Variants in STAG1 observed in about 807,000 individuals in gnomAD.
STAG1 encodes the protein STAG1 cohesin complex component, also known as cohesin subunit SA-1.
In STAG1, 26 loss-of-function variants were observed where a neutral mutation model predicts 170.9. The observed-to-expected ratio is 0.15, with a 90% confidence interval of 0.11 to 0.21. STAG1 has a LOEUF of 0.21. STAG1 is among the 10% of genes least tolerant of loss of function. The pLI is 1.00. For synonymous variants in STAG1, 514 were observed against 497.7 expected, an observed-to-expected ratio of 1.03 and a Z score of -0.44; for missense variants, 964 against 1,509.5, an observed-to-expected ratio of 0.64 and a Z score of 5.99.
rs749325884 is a variant in STAG1, at chr3:136,579,958, A to ATTTTTTTTTTTT, written c.298-11109_298-11098dup. On this transcript the variant is annotated intron_variant, in intron 4 of 33. Coordinates refer to ENST00000383202, the MANE Select transcript of STAG1 (RefSeq NM_005862.3). ...CTATTTTGGTCACAATACCATCTGA[A>ATTTTTTTTTTTT]TTTTTTTTTTTTTTTTTTTTTTTTT... is the stretch of plus-strand genomic sequence containing the variant. 8.0e-3 allele frequency among the ~76,000 whole-genome samples: 587 copies of ATTTTTTTTTTTT among 73,642 alleles called. 105 individuals are homozygous for ATTTTTTTTTTTT. The highest frequency in any genetic ancestry group is 9.3e-3 in the Non-Finnish European group (381 of 41,052). 48.3% of individuals were successfully genotyped at this position (73,642 alleles called of 152,430 possible). A position where few individuals can be genotyped will look rare whatever the true frequency, so the allele number is the denominator to read the frequency against.
In STAG1 at chr3:136,468,221, C is replaced by G. The variant is rs1327976869; in HGVS notation, c.1206-3233G>C. On this transcript the variant is annotated intron_variant, in intron 12 of 33. Coordinates refer to ENST00000383202, the MANE Select transcript of STAG1 (RefSeq NM_005862.3). ...CAAAAAATCAATGAATCTAGGAGCT[C>G]GTTTTTTGAAAAGATCAACAAAACT... is the stretch of plus-strand genomic sequence containing the variant. Among the ~76,000 whole-genome samples, 4 of 151,646 alleles carry G rather than the reference C, an allele frequency of 2.6e-5. No individual in the cohort carries two copies. In the East Asian group the frequency reaches 5.8e-4, roughly 22 times the overall value.
Position 136,479,488 on chromosome 3 carries a change from T to C in STAG1, c.903-2076A>G, listed in dbSNP as rs1485044012. Among the ~76,000 whole-genome samples, 324 of 75,386 alleles carry C rather than the reference T, an allele frequency of 4.3e-3. 21 individuals carry two copies. The highest frequency in any genetic ancestry group is 0.013 in the African/African-American group (312 of 23,216). The allele number at this position is 75,386 out of a possible 152,430, so 49.5% of individuals were successfully genotyped here. ...AATCCAGTCTATCATTGTTGGACAT[T>C]TGGGTTGGTTCCAAGTCTTTGCTAT... is the stretch of plus-strand genomic sequence containing the variant. On this transcript the variant is annotated intron_variant, in intron 9 of 33. Transcript: ENST00000383202.
intron 1 of STAG1, among the ~76,000 whole-genome samples, chr3:136,671,541 A>C (rs1279650255): frequency 6.6e-6 from 1 of 150,496 alleles, no homozygotes; most frequent in Non-Finnish European, 1.5e-5. Context: ...TAAACTGAAA[A>C]GAAAAGGTTC....
intron 1 of STAG1, among the ~76,000 whole-genome samples, chr3:136,657,866 T>C (rs1158906163): frequency 6.6e-6 from 1 of 152,134 alleles, no homozygotes; most frequent in Non-Finnish European, 1.5e-5. Flanking sequence ...TGAAATGCAC[T>C]AGAATGCAAT....
chr3:136,371,522 T>A (rs1176478186), intron 23 of STAG1, among the ~76,000 whole-genome samples: 1 of 152,250 alleles, frequency 6.6e-6, no homozygotes, highest in Non-Finnish European at 1.5e-5. Flanking sequence ...CATCTTGAAT[T>A]AATATTTGTA....
intron 29 of STAG1, among the ~76,000 whole-genome samples, chr3:136,344,841 T>A (rs1357597373): frequency 6.6e-6 from 1 of 151,982 alleles, no homozygotes; most frequent in African/African-American, 2.4e-5. Flanking sequence ...CTCGAACTCC[T>A]GACCTCAGGT....
chr3:136,435,893 C>A (rs2088446488), intron 15 of STAG1, among the ~76,000 whole-genome samples: 1 of 152,050 alleles, frequency 6.6e-6, no homozygotes, highest in East Asian at 1.9e-4. Flanking sequence ...TGGTCTTGAA[C>A]CCCTGACCTC....
intron 4 of STAG1, among the ~76,000 whole-genome samples, chr3:136,593,051 C>T (rs1018227786): frequency 3.3e-5 from 5 of 152,180 alleles, no homozygotes; most frequent in African/African-American, 1.2e-4. Context: ...CCCACCAACA[C>T]AATGATATCT....
chr3:136,541,585 C>CACACACACACACA (rs59103512), intron 6 of STAG1, among the ~76,000 whole-genome samples: 3 of 148,670 alleles, frequency 2.0e-5, no homozygotes, highest in Non-Finnish European at 4.5e-5. Context: ...CACACACACA[C>CACACACACACACA]CAGGGGTTTG....
At chr3:136,557,471 T>C (rs1302724433) in intron 5 of STAG1, among the ~76,000 whole-genome samples, 3 of 152,158 alleles carry the variant, frequency 2.0e-5, no homozygotes, top group Non-Finnish European at 4.4e-5. Context: ...TCACATAAAC[T>C]AGAAAGCTTT....
chr3:136,592,206 C>T (rs940879275), intron 4 of STAG1, among the ~76,000 whole-genome samples: 1 of 152,158 alleles, frequency 6.6e-6, no homozygotes, highest in Non-Finnish European at 1.5e-5. Context: ...TATGTCTCTA[C>T]CCAAATCTCA....
intron 22 of STAG1, among the ~76,000 whole-genome samples, chr3:136,390,297 G>T (rs1443307418): frequency 6.6e-6 from 1 of 152,168 alleles, no homozygotes; most frequent in East Asian, 1.9e-4. Context: ...GGTTTTCAGA[G>T]AATTTTAAAA....
At chr3:136,701,753 TGAGA>T (rs1012473502) in intron 1 of STAG1, among the ~76,000 whole-genome samples, 1 of 152,176 alleles carries the variant, frequency 6.6e-6, no homozygotes, top group Non-Finnish European at 1.5e-5. Flanking sequence ...TTAATGCTTC[TGAGA>T]GAATCATTAT....
At chr3:136,666,184 T>C (rs1027063320) in intron 1 of STAG1, among the ~76,000 whole-genome samples, 5 of 133,252 alleles carry the variant, frequency 3.8e-5, no homozygotes, top group South Asian at 2.6e-4. Flanking sequence ...AACAGGGAAA[T>C]AGGGCTTAGT....
intron 13 of STAG1, among the ~76,000 whole-genome samples, chr3:136,459,272 C>A (rs1165430522): frequency 2.0e-5 from 3 of 150,864 alleles, no homozygotes; most frequent in African/African-American, 7.3e-5. Flanking sequence ...CAAAGAATAC[C>A]ATTTTACAAT....
At chr3:136,678,613 T>C (rs1366435812) in intron 1 of STAG1, among the ~76,000 whole-genome samples, 1 of 151,218 alleles carries the variant, frequency 6.6e-6, no homozygotes, top group Non-Finnish European at 1.5e-5. Context: ...ATATTAAAAA[T>C]TAAGTTTTTG....
intron 28 of STAG1, among the ~76,000 whole-genome samples, chr3:136,355,388 A>C (rs1936612881): frequency 6.8e-6 from 1 of 146,346 alleles, no homozygotes; most frequent in African/African-American, 2.5e-5. Flanking sequence ...AAGTATATAC[A>C]CCTAACAAGA....
chr3:136,747,215 G>GT (rs887193726), intron 1 of STAG1, among the ~76,000 whole-genome samples: 37 of 149,228 alleles, frequency 2.5e-4, no homozygotes, highest in Admixed American at 2.7e-4. Flanking sequence ...GAAGGTTGCA[G>GT]TAAGCGAAGA....
chr3:136,412,710 A>G (rs186856436), intron 21 of STAG1, among the ~76,000 whole-genome samples: 75 of 152,242 alleles, frequency 4.9e-4, no homozygotes, highest in Non-Finnish European at 3.2e-4. Context: ...ACTAGTCTAT[A>G]CTCTTCAAAA....
Sources: gnomAD v4.1 joint callset for allele counts (sites outside exome capture counted in the v4.1 genomes callset) on GRCh38, gnomAD v4.1.1 for gene constraint, MANE v1.5 for transcripts, NCBI Gene and HGNC (gene_info 2026-07-23, HGNC 2026-07-21) for gene names.